The following ZNF208 variants were observed in gnomAD, a reference collection of about 807,000 sequenced individuals.
ZNF208 encodes the protein zinc finger protein 208.
A neutral mutation model predicts 12.1 loss-of-function variants in ZNF208; 10 were observed. That is an observed-to-expected ratio of 0.83 (90% CI 0.51 to 1.40). The LOEUF (loss-of-function observed/expected upper bound fraction) is 1.40. Among genes scored for constraint, ZNF208 ranks in the 40% most tolerant of loss-of-function variants. ZNF208 has a pLI of 0.00. For synonymous variants in ZNF208, 497 were observed against 488.4 expected, an observed-to-expected ratio of 1.02 and a Z score of -0.23; for missense variants, 1,652 against 1,485.0, an observed-to-expected ratio of 1.11 and a Z score of -1.85.
chr19:22,006,326 A>G (rs1189659971), intron 1 of ZNF208, among the ~76,000 whole-genome samples: 1 of 152,006 alleles, frequency 6.6e-6, no homozygotes, highest in Non-Finnish European at 1.5e-5. Flanking sequence ...AAGATCTTAT[A>G]GTTGGTACTT....
intron 1 of ZNF208, among the ~76,000 whole-genome samples, chr19:21,999,046 TA>T (rs1970892469): frequency 3.9e-5 from 1 of 25,832 alleles, no homozygotes; most frequent in Non-Finnish European, 8.0e-5. Context: ...TATAATTTTA[TA>T]GCATAATTTT....
chr19:21,993,894 G>A (rs534097205), intron 1 of ZNF208, among the ~76,000 whole-genome samples: 3 of 152,236 alleles, frequency 2.0e-5, no homozygotes, highest in Admixed American at 6.5e-5. Context: ...ATGTGCACAT[G>A]TACTACTACA....
intron 3 of ZNF208, chr19:21,986,942 G>T (rs1483019755): frequency 4.7e-6 from 2 of 421,426 alleles, no homozygotes; most frequent in Non-Finnish European, 8.3e-6. Flanking sequence ...CAAACAAAAA[G>T]ATTGTGCACT....
At chr19:21,962,812 C>T (rs181270785), downstream of ZNF208, among the ~76,000 whole-genome samples, 27 of 151,990 alleles carry the variant, frequency 1.8e-4, no homozygotes, top group Non-Finnish European at 2.9e-4. Flanking sequence ...GTGGTAGAAT[C>T]GATTTGTTGA....
intron 4 of ZNF208, among the ~76,000 whole-genome samples, chr19:21,950,694 C>T (rs778337177): frequency 2.0e-5 from 3 of 151,994 alleles, no homozygotes; most frequent in Admixed American, 6.6e-5. Flanking sequence ...GGGGTTTCAC[C>T]ATGTTGGCCA....
chr19:21,949,507 T>A (rs1363404408), intron 4 of ZNF208, among the ~76,000 whole-genome samples: 2 of 152,174 alleles, frequency 1.3e-5, no homozygotes, highest in African/African-American at 4.8e-5. Flanking sequence ...TACCTAGGAA[T>A]GTTAAAATAG....
rs1970560535 is a variant in ZNF208 at position 21,982,480 on chromosome 19, T to C, written c.226+4736A>G. Among the ~76,000 whole-genome samples the C allele has an allele frequency of 2.0e-5, 3 of 151,806 alleles. No individual in the cohort carries two copies. In the South Asian group the frequency reaches 6.2e-4, roughly 32 times the overall value. On this transcript the variant is annotated intron_variant, in intron 3 of 3. Transcript: ENST00000397126. ...CAATGCTATCCCCATCAAGCTACCA[T>C]TGACTTTCTTCACAGAATTAGAAAA... is the stretch of plus-strand genomic sequence containing the variant.
chr19:21,960,317 T>A (rs57146054), intron 4 of ZNF208, among the ~76,000 whole-genome samples: 2 of 151,976 alleles, frequency 1.3e-5, no homozygotes, highest in East Asian at 3.9e-4. Context: ...AAAGAAGGCA[T>A]AGAAATAAAG....
At chr19:21,998,151 T>C (rs1970874705) in intron 1 of ZNF208, 1 of 143,962 alleles carries the variant, frequency 6.9e-6, no homozygotes, top group Admixed American at 7.1e-5. Flanking sequence ...GAGATAGAGT[T>C]CCATTCTTTT....
intron 2 of ZNF208, 142 bp downstream of exon 2, chr19:21,988,641 C>A: frequency 6.6e-7 from 1 of 1,508,574 alleles, no homozygotes. Context: ...AGCAAGGAGG[C>A]CCCTGACCCC....
Position 21,987,289 on chromosome 19 carries a change from G to A in ZNF208, c.153C>T (p.Asp51=), listed in dbSNP as rs1164221656. 1 of 1,610,590 alleles carries A rather than the reference G, an allele frequency of 6.2e-7. No individual in the cohort carries two copies. Among genetic ancestry groups the A allele is most frequent in the East Asian group, 2.2e-5 (1 of 44,672 alleles). Residue 51 remains aspartate (D), a synonymous_variant, in exon 3 of 4, where the codon GAC becomes GAT. Coordinates refer to ENST00000397126, the MANE Select transcript of ZNF208 (RefSeq NM_007153.3). ...TTCCTTCCTCCAGAAAAATGATCAG[G>A]TCTGGCTTAAAGGCAGCAATACCTG... is the stretch of plus-strand genomic sequence containing the variant. The part of the protein sequence containing the change: ...VFLGIAAFKP[D]LIIFLEEGKE...
intron 1 of ZNF208, among the ~76,000 whole-genome samples, chr19:22,005,229 A>G (rs1301644743): frequency 6.6e-6 from 1 of 152,194 alleles, no homozygotes; most frequent in African/African-American, 2.4e-5. Context: ...AGGAGTGTGG[A>G]CACATCAATG....
At chr19:21,989,037 A>G in intron 1 of ZNF208, 128 bp from the exon 2 acceptor site, 3 of 1,262,262 alleles carry the variant, frequency 2.4e-6, no homozygotes, top group Non-Finnish European at 3.3e-6. Flanking sequence ...TTATTCAATA[A>G]AATAATTTTT....
Position 21,968,829 on chromosome 19 carries a change from T to A in ZNF208, c.*2362A>T, listed in dbSNP as rs1194185901. ...ATGATCCAGGGCTTTTTATGGTTAG[T>A]AGGTTTATTATTACTTATACAATGT... On this transcript the variant is annotated 3_prime_UTR_variant, in exon 4 of 4. Coordinates refer to ENST00000397126, the MANE Select transcript of ZNF208 (RefSeq NM_007153.3). Among the ~76,000 whole-genome samples the A allele has an allele frequency of 1.3e-5, 2 of 152,092 alleles. No homozygotes were observed. Among genetic ancestry groups the A allele is most frequent in the Non-Finnish European group, 2.9e-5 (2 of 68,022 alleles).
chr19:22,007,474 C>A (rs1971065260), intron 1 of ZNF208, among the ~76,000 whole-genome samples: 1 of 135,014 alleles, frequency 7.4e-6, no homozygotes. Flanking sequence ...CCACTGCACT[C>A]CAACCTGGGG....
chr19:21,970,672 C>G lies in ZNF208; in HGVS notation c.*519G>C. 9.2e-7 allele frequency: 1 copy of G among 1,092,510 alleles called. No individual in the cohort carries two copies. Among genetic ancestry groups the G allele is most frequent in the Non-Finnish European group, 1.4e-6 (1 of 721,610 alleles). The allele number at this position is 1,092,510 out of a possible 1,614,324, so 67.7% of individuals were successfully genotyped here. On this transcript the variant is annotated 3_prime_UTR_variant, in exon 4 of 4. Coordinates refer to ENST00000397126, the MANE Select transcript of ZNF208 (RefSeq NM_007153.3). ...GTTTGAGGACTGGTTGAAGCCTTTG[C>G]CACATTCTTCTCATTTGTAGAGTTT...
rs541545680 is a variant in ZNF208, at chr19:21,986,690, GC to G, written c.226+525del. 1.0e-4 allele frequency: 21 copies of G among 202,652 alleles called. No individual in the cohort carries two copies. In the East Asian group the frequency reaches 2.1e-3, roughly 20 times the overall value. The allele number at this position is 202,652 out of a possible 1,614,324, so 12.6% of individuals were successfully genotyped here. A position where few individuals can be genotyped will look rare whatever the true frequency, so the allele number is the denominator to read the frequency against. ...CTACAAGAAACTGTGAATAGCCAAA[GC>G]AATCTTGAAGAAAAAGAAAAAAGCA... On this transcript the variant is annotated intron_variant, in intron 3 of 3. Coordinates refer to ENST00000397126, the MANE Select transcript of ZNF208 (RefSeq NM_007153.3).
Position 21,967,846 on chromosome 19 carries a change from C to G in ZNF208, c.*3345G>C, listed in dbSNP as rs1477324515. 6.6e-6 allele frequency: 1 copy of G among 152,070 alleles called. No individual in the cohort carries two copies. Among genetic ancestry groups the G allele is most frequent in the African/African-American group, 2.4e-5 (1 of 41,410 alleles). 9.4% of individuals were successfully genotyped at this position (152,070 alleles called of 1,614,324 possible). ...CTGTAGGTTGCTTTAGGCAGAATGA[C>G]CATTTTAATTATATTATTTGAATCC... On this transcript the variant is annotated 3_prime_UTR_variant, in exon 4 of 4. Transcript: ENST00000397126.
At position 21,966,872 on chromosome 19, in the gene ZNF208, A is replaced by G. The variant is rs1038063899; in HGVS notation, c.*4319T>C. The stretch of plus-strand genomic sequence containing the variant: ...ATTAGGAACGTTGAGCAATTTTTAC[A>G]TGTTTATTGGCAGCTCTTATGTCTT... On this transcript the variant is annotated 3_prime_UTR_variant, in exon 4 of 4. Transcript: ENST00000397126. The G allele has an allele frequency of 6.6e-6, 1 of 152,078 alleles. No individual in the cohort carries two copies. The highest frequency in any genetic ancestry group is 1.9e-4 in the East Asian group (1 of 5,186). The allele number at this position is 152,078 out of a possible 1,614,324, so 9.4% of individuals were successfully genotyped here.
Sources: gnomAD v4.1 joint callset for allele counts (sites outside exome capture counted in the v4.1 genomes callset) on GRCh38, gnomAD v4.1.1 for gene constraint, MANE v1.5 for transcripts, NCBI Gene and HGNC (gene_info 2026-07-23, HGNC 2026-07-21) for gene names.